Variants in CADPS2 observed in about 807,000 individuals in gnomAD.
The protein encoded by CADPS2 is calcium-dependent secretion activator 2.
A neutral mutation model predicts 172.5 loss-of-function variants in CADPS2; 93 were observed. That is an observed-to-expected ratio of 0.54 (90% CI 0.46 to 0.64). The LOEUF (loss-of-function observed/expected upper bound fraction) is 0.64, where lower values mean the gene tolerates loss of function less well. Among genes scored for constraint, CADPS2 ranks in the 30% least tolerant of loss-of-function variants. CADPS2 has a pLI of 0.00. For missense variants in CADPS2, 1,420 were observed against 1,565.9 expected (o/e 0.91, Z 1.57); for synonymous variants, 546 against 555.2 (o/e 0.98, Z 0.23).
intron 8 of CADPS2, among the ~76,000 whole-genome samples, chr7:122,531,776 T>G (rs2061775669): frequency 6.6e-6 from 1 of 152,082 alleles, no homozygotes; most frequent in Non-Finnish European, 1.5e-5. Flanking sequence ...CTCACTCCTG[T>G]TGTCCCAGCA....
chr7:122,346,304 G>A lies in CADPS2; in HGVS notation c.3505-623C>T, dbSNP rs115582096. ...AATTGCTTGAGCATGGGTGGTTGAG[G>A]TTGCAGTGAGCTGTCATCATGCCAC... On this transcript the variant is annotated intron_variant, in intron 27 of 29. Coordinates refer to ENST00000449022, the MANE Select transcript of CADPS2 (RefSeq NM_017954.11). Among the ~76,000 whole-genome samples the A allele has an allele frequency of 2.3e-4, 35 of 152,228 alleles. 1 individual carries two copies. The highest frequency in any genetic ancestry group is 6.5e-4 in the African/African-American group (27 of 41,544).
chr7:122,423,052 C>G (rs2048721715), intron 17 of CADPS2, among the ~76,000 whole-genome samples: 2 of 152,204 alleles, frequency 1.3e-5, no homozygotes, highest in South Asian at 4.1e-4. Context: ...GATCCCCAGT[C>G]TACTCTAATT....
chr7:122,640,608 T>C (rs970866391), intron 3 of CADPS2, among the ~76,000 whole-genome samples: 16 of 151,854 alleles, frequency 1.1e-4, no homozygotes, highest in African/African-American at 3.1e-4. Context: ...TTCCATGCTG[T>C]TCCCTAAAAA....
intron 1 of CADPS2, among the ~76,000 whole-genome samples, chr7:122,874,712 C>G (rs922985280): frequency 1.3e-5 from 2 of 152,120 alleles, no homozygotes; most frequent in African/African-American, 4.8e-5. Context: ...GAACAGAGGC[C>G]TCAGAAATAA....
chr7:122,431,504 TAAAC>T (rs1489072271), intron 17 of CADPS2, among the ~76,000 whole-genome samples: 7 of 152,006 alleles, frequency 4.6e-5, no homozygotes, highest in East Asian at 1.9e-4. Flanking sequence ...TGGGGAAAAA[TAAAC>T]AAAAAGATTT....
chr7:122,717,679 C>T (rs908017516), intron 2 of CADPS2, among the ~76,000 whole-genome samples: 7 of 152,138 alleles, frequency 4.6e-5, no homozygotes, highest in Admixed American at 2.6e-4. Flanking sequence ...CATTGTTTAG[C>T]TAATGGGCCT....
At chr7:122,343,686 C>G (rs2037130515) in intron 28 of CADPS2, among the ~76,000 whole-genome samples, 2 of 152,318 alleles carry the variant, frequency 1.3e-5, no homozygotes, top group Admixed American at 1.3e-4. Flanking sequence ...ATGGCTTTAA[C>G]TTTTCAACAT....
intron 28 of CADPS2, among the ~76,000 whole-genome samples, chr7:122,335,142 T>C (rs2035643101): frequency 6.6e-6 from 1 of 152,244 alleles, no homozygotes; most frequent in Non-Finnish European, 1.5e-5. Flanking sequence ...GAGTTTGTTT[T>C]CTAGATCTTC....
chr7:122,501,048 A>T (rs2059157154), intron 9 of CADPS2, among the ~76,000 whole-genome samples: 1 of 152,074 alleles, frequency 6.6e-6, no homozygotes, highest in South Asian at 2.1e-4. Context: ...TGAGGCTAGG[A>T]GTTCAAGACT....
At chr7:122,382,379 A>G (rs1238454282) in intron 24 of CADPS2, 1 of 152,126 alleles carries the variant, frequency 6.6e-6, no homozygotes, top group Non-Finnish European at 1.5e-5. Context: ...CCAAAATAAC[A>G]ATGGTTATTG....
chr7:122,422,793 A>T (rs1170470005), intron 17 of CADPS2, among the ~76,000 whole-genome samples: 9 of 88,696 alleles, frequency 1.0e-4, no homozygotes, highest in African/African-American at 4.3e-4. Flanking sequence ...CGTCTCTATT[A>T]AAAAAAAAAA....
intron 2 of CADPS2, among the ~76,000 whole-genome samples, chr7:122,686,393 CTAT>C (rs953973186): frequency 6.6e-6 from 1 of 152,096 alleles, no homozygotes; most frequent in African/African-American, 2.4e-5. Context: ...TTCAATTACA[CTAT>C]TATACTATTT....
At chr7:122,765,217 A>AC (rs1161089204) in intron 1 of CADPS2, among the ~76,000 whole-genome samples, 3 of 152,302 alleles carry the variant, frequency 2.0e-5, no homozygotes, top group Middle Eastern at 3.4e-3. Flanking sequence ...ACTCCAGCAA[A>AC]TGTCAGGGCT....
At chr7:122,629,013 T>C (rs1430707703) in intron 4 of CADPS2, among the ~76,000 whole-genome samples, 1 of 151,916 alleles carries the variant, frequency 6.6e-6, no homozygotes. Flanking sequence ...CTATAAAAGT[T>C]ATCATTAAAA....
intron 1 of CADPS2, among the ~76,000 whole-genome samples, chr7:122,878,261 G>GAA (rs34489409): frequency 0.018 from 2,044 of 113,220 alleles, 104 homozygotes; most frequent in African/African-American, 0.057. Flanking sequence ...TCCGTCTCAA[G>GAA]AAAAAAAAAA....
intron 14 of CADPS2, among the ~76,000 whole-genome samples, chr7:122,464,449 T>C (rs1392632254): frequency 6.6e-6 from 1 of 152,246 alleles, no homozygotes; most frequent in South Asian, 2.1e-4. Flanking sequence ...GTTCTCCTTC[T>C]AGGAGTTGGG....
At chr7:122,432,551 G>A (rs138019603) in intron 17 of CADPS2, among the ~76,000 whole-genome samples, 7 of 149,702 alleles carry the variant, frequency 4.7e-5, no homozygotes, top group Non-Finnish European at 1.0e-4. Flanking sequence ...TGAGGCAGGA[G>A]AACCACTTGA....
rs373215466 is a variant in CADPS2 at position 122,615,318 on chromosome 7, T to C, written c.1105-19A>G. 1.4e-6 allele frequency: 2 copies of C among 1,427,128 alleles called. No homozygotes were observed. Among genetic ancestry groups the C allele is most frequent in the Non-Finnish European group, 1.9e-6 (2 of 1,038,054 alleles). 88.4% of individuals were successfully genotyped at this position (1,427,128 alleles called of 1,614,324 possible). A position where few individuals can be genotyped will look rare whatever the true frequency, so the allele number is the denominator to read the frequency against. On this transcript the variant is annotated intron_variant, in intron 5 of 29. Transcript: ENST00000449022. ...TGACAATCTAAAGATAAAATGATTT[T>C]AAAATAATGCATCAAGTTGATAACA...
intron 17 of CADPS2, among the ~76,000 whole-genome samples, chr7:122,416,948 GATCAGTT>G (rs2047995213): frequency 6.6e-6 from 1 of 152,196 alleles, no homozygotes. Flanking sequence ...ACAATGTAAA[GATCAGTT>G]CCCAATAAGG....
Sources: allele counts gnomAD v4.1 joint callset (sites outside exome capture counted in the v4.1 genomes callset), GRCh38; gene constraint gnomAD v4.1.1; transcripts MANE v1.5; gene names NCBI Gene and HGNC (gene_info 2026-07-23, HGNC 2026-07-21).